Variants in SH2B1 observed in about 807,000 individuals in gnomAD.
The protein encoded by SH2B1 is SH2B adapter protein 1.
SH2B1 carries 15 observed loss-of-function variants against 62.6 expected under a neutral mutation model. The observed-to-expected ratio is 0.24, with a 90% CI of 0.16 to 0.37. The LOEUF (loss-of-function observed/expected upper bound fraction) is 0.37, where lower values mean the gene tolerates loss of function less well. Among genes scored for constraint, SH2B1 ranks in the 10% least tolerant of loss-of-function variants. The pLI is 1.00. For missense variants in SH2B1, 925 were observed against 1,015.6 expected, an observed-to-expected ratio of 0.91 and a Z score of 1.21; for synonymous variants, 443 against 438.0, an observed-to-expected ratio of 1.01 and a Z score of -0.14.
rs1567459417 is a variant in SH2B1, at chr16:28,852,928, T to TA, written c.-301+6101_-301+6102insA. Among the ~76,000 whole-genome samples the TA allele has an allele frequency of 1.2e-4, 7 of 60,846 alleles. 1 individual carries two copies. Among genetic ancestry groups the TA allele is most frequent in the South Asian group, 7.1e-4 (1 of 1,404 alleles). The allele number at this position is 60,846 out of a possible 152,430, so 39.9% of individuals were successfully genotyped here. A position where few individuals can be genotyped will look rare whatever the true frequency, so the allele number is the denominator to read the frequency against. ...TATATACATGTACATATATATATTTTTATATATATGTACATATATATTTTA... is the reference window on the plus strand; with the variant it reads ...TATATACATGTACATATATATATTTTATATATATATGTACATATATATTTTA... On this transcript the variant is annotated intron_variant, in intron 1 of 10. Transcript: ENST00000322610.
In SH2B1 at chr16:28,866,927, C is replaced by A; in HGVS notation, c.833C>A (p.Pro278His). 1 of 1,611,164 alleles carries A rather than the reference C, an allele frequency of 6.2e-7. No individual in the cohort carries two copies. Among genetic ancestry groups the A allele is most frequent in the East Asian group, 2.2e-5 (1 of 44,866 alleles). ...VGRGGGVAGP[P>H]SGGGGQPQWQ... is the part of the protein sequence containing the mutation. Reference sequence around the variant, plus strand: ...CGGGGAGGAGGGGTGGCTGGGCCTCCTTCAGGGGGAGGAGGGCAGCCTCAG... The same window carrying A: ...CGGGGAGGAGGGGTGGCTGGGCCTCATTCAGGGGGAGGAGGGCAGCCTCAG... Residue 278 changes from proline to histidine, a missense_variant, in exon 1 of 8, where the codon CCT becomes CAT. Physicochemically the swap from Pro to His is moderately conservative, Grantham distance 77. This residue lies in a region of SH2B1 where 683 missense variants were observed against 704.0 expected (regional missense o/e 0.97). Transcript: ENST00000684370. This position sits in a 1 kb window ranked among gnomAD's most constrained non-coding sequence, Gnocchi z 6.3.
At chr16:28,871,103 T>C (rs7498603) in intron 4 of SH2B1, among the ~76,000 whole-genome samples, 51,729 of 151,706 alleles carry the variant, frequency 0.34, 9,482 homozygotes, top group Admixed American at 0.41. Context: ...CTGCAACCTC[T>C]GCCTCCCGGG....
At chr16:28,861,425 G>A (rs183411474), upstream of SH2B1, among the ~76,000 whole-genome samples, 80 of 148,054 alleles carry the variant, frequency 5.4e-4, no homozygotes, top group Non-Finnish European at 1.0e-3. Context: ...CACTGCGCCC[G>A]GCCATCTTAG....
chr16:28,858,101 C>T (rs1962363479), intron 1 of SH2B1, among the ~76,000 whole-genome samples: 1 of 152,176 alleles, frequency 6.6e-6, no homozygotes, highest in Non-Finnish European at 1.5e-5. Flanking sequence ...CCCCTCCCCT[C>T]CCTGGGGGTT....
At chr16:28,852,543 T>C (rs1433423259) in intron 1 of SH2B1, among the ~76,000 whole-genome samples, 7 of 42,876 alleles carry the variant, frequency 1.6e-4, no homozygotes, top group African/African-American at 1.4e-3. Context: ...CATATATTTA[T>C]ATATATACAC....
intron 4 of SH2B1, 58 bp downstream of exon 4, chr16:28,869,441 C>T: frequency 6.7e-7 from 1 of 1,501,632 alleles, no homozygotes; most frequent in Non-Finnish European, 9.1e-7. Flanking sequence ...GGGGCCCCTG[C>T]TGTCAGGCGC....
chr16:28,849,456 T>G (rs889995351), intron 1 of SH2B1, among the ~76,000 whole-genome samples: 1 of 152,206 alleles, frequency 6.6e-6, no homozygotes, highest in African/African-American at 2.4e-5. Context: ...GAATTTATCC[T>G]AAGACACTAT....
chr16:28,868,894 G>C, intron 2 of SH2B1, 112 bp from the exon 3 acceptor site: 1 of 844,318 alleles, frequency 1.2e-6, no homozygotes. Context: ...CCTCCAGAGA[G>C]AATTCGAATG....
intron 1 of SH2B1, 139 bp from the exon 2 acceptor site, chr16:28,867,192 G>A (rs1239710827): frequency 1.1e-5 from 14 of 1,233,254 alleles, no homozygotes; most frequent in Non-Finnish European, 1.6e-5. Flanking sequence ...TAGCAGCTGC[G>A]GGCAGGACTG....
intron 1 of SH2B1, among the ~76,000 whole-genome samples, chr16:28,854,250 G>A (rs1027769720): frequency 8.6e-5 from 13 of 152,018 alleles, no homozygotes; most frequent in Admixed American, 2.6e-4. Flanking sequence ...GCAATGAGCC[G>A]TGATCACACC....
At position 28,852,553 on chromosome 16, in the gene SH2B1, CATATTTATATATATACACATAT is replaced by C. The variant is rs1567458792; in HGVS notation, c.-301+5830_-301+5851del. 6.3e-4 allele frequency among the ~76,000 whole-genome samples: 6 copies of C among 9,582 alleles called. 1 individual carries two copies. The highest frequency in any genetic ancestry group is 8.4e-4 in the Non-Finnish European group (6 of 7,160). The allele number at this position is 9,582 out of a possible 152,430, so 6.3% of individuals were successfully genotyped here. ...ATACACATATATTTATATATATACA[CATATTTATATATATACACATAT>C]ATATTTATATATATACACATATATA... is the stretch of plus-strand genomic sequence containing the variant. On this transcript the variant is annotated intron_variant, in intron 1 of 10. Transcript: ENST00000322610.
rs1471529731 is a variant in SH2B1, at chr16:28,872,836, G to C, written c.1897+131G>C. The C allele has an allele frequency of 8.1e-7, 1 of 1,239,296 alleles. No homozygotes were observed. Among genetic ancestry groups the C allele is most frequent in the Non-Finnish European group, 1.2e-6 (1 of 865,978 alleles). 76.8% of individuals were successfully genotyped at this position (1,239,296 alleles called of 1,614,324 possible). On this transcript the variant is annotated intron_variant, in intron 7 of 7. Transcript: ENST00000684370. This position sits in a 1 kb window ranked among gnomAD's most constrained non-coding sequence, Gnocchi z 5.3. ...CTTTGCTTGGGAGAGCAGGGTAGAG[G>C]AGGCTGTTGTGCCTCGGGGTTTGGA...
chr16:28,871,680 G>A (rs1055378094), intron 4 of SH2B1, 100 bp from the exon 5 acceptor site: 7 of 940,990 alleles, frequency 7.4e-6, no homozygotes, highest in Admixed American at 4.2e-5. Context: ...CTTGGCCAGC[G>A]ACTGCACACA....
intron 1 of SH2B1, among the ~76,000 whole-genome samples, chr16:28,848,766 G>A (rs564777211): frequency 6.7e-6 from 1 of 148,958 alleles, no homozygotes; most frequent in Non-Finnish European, 1.5e-5. Flanking sequence ...CCATCTCCCA[G>A]GTTCAAGCGA....
In SH2B1 at chr16:28,869,090, A is replaced by G. The variant is rs752619449; in HGVS notation, c.1126A>G (p.Ser376Gly). Residue 376 changes from serine to glycine, a missense_variant, in exon 3 of 8, where the codon AGC (serine) becomes GGC (glycine). Physicochemically the swap from Ser to Gly is moderately conservative, Grantham distance 56. Transcript: ENST00000684370. ...GGTGTCTGACATCCAAGAATGCCTG[A>G]GCCCAGGGTGAGAAGCCTGACTTCT... ...AWVSDIQECL[S>G]PGPCPATSPR... is the part of the protein sequence containing the mutation. 6.2e-7 allele frequency: 1 copy of G among 1,614,170 alleles called. No homozygotes were observed. Among genetic ancestry groups the G allele is most frequent in the Admixed American group, 1.7e-5 (1 of 60,018 alleles).
At chr16:28,863,744 G>A, upstream of SH2B1, 2 of 1,535,764 alleles carry the variant, frequency 1.3e-6, no homozygotes, top group South Asian at 1.2e-5. Flanking sequence ...CCGAGTGGGA[G>A]GATGGCGGAA....
Position 28,874,167 on chromosome 16 carries a change from T to C in SH2B1, c.*347T>C, listed in dbSNP as rs1161905866. On this transcript the variant is annotated 3_prime_UTR_variant, in exon 8 of 8. Coordinates refer to ENST00000684370, the MANE Select transcript of SH2B1 (RefSeq NM_001387430.1). Reference sequence around the variant, plus strand: ...GTTGTTGTTGTTGTTTTAAACAAAATGGAGAAGCATAAATAAATAAAAAGG... The same window carrying C: ...GTTGTTGTTGTTGTTTTAAACAAAACGGAGAAGCATAAATAAATAAAAAGG... 3 of 232,128 alleles carry C rather than the reference T, an allele frequency of 1.3e-5. No individual in the cohort carries two copies. The highest frequency in any genetic ancestry group is 4.5e-5 in the African/African-American group (2 of 44,514). 14.4% of individuals were successfully genotyped at this position (232,128 alleles called of 1,614,324 possible).
Position 28,852,354 on chromosome 16 carries a change from A to ACATATATATTTATATATATT in SH2B1, c.-301+5527_-301+5528insCATATATATTTATATATATT, listed in dbSNP as rs1567458325. Among the ~76,000 whole-genome samples, 2 of 74,012 alleles carry ACATATATATTTATATATATT rather than the reference A, an allele frequency of 2.7e-5. 1 individual carries two copies. The highest frequency in any genetic ancestry group is 4.5e-5 in the Non-Finnish European group (2 of 43,976). The allele number at this position is 74,012 out of a possible 152,430, so 48.6% of individuals were successfully genotyped here. A position where few individuals can be genotyped will look rare whatever the true frequency, so the allele number is the denominator to read the frequency against. ...TACATATATATTTACATATATATTT[A>ACATATATATTTATATATATT]TATATATATTTATATATATTTACAT... On this transcript the variant is annotated intron_variant, in intron 1 of 10. Coordinates refer to the SH2B1 transcript ENST00000322610.
chr16:28,852,874 A>T (rs1193466958), intron 1 of SH2B1, among the ~76,000 whole-genome samples: 1 of 76,614 alleles, frequency 1.3e-5, no homozygotes, highest in Non-Finnish European at 2.3e-5. Flanking sequence ...TTACATATAT[A>T]TTTTTATATA....
Sources: gnomAD v4.1 joint callset for allele counts (sites outside exome capture counted in the v4.1 genomes callset) on GRCh38, gnomAD v4.1.1 for gene constraint, gnomAD v4.1.1 regional missense constraint, Gnocchi (gnomAD v3.1) non-coding constraint, MANE v1.5 for transcripts, NCBI Gene and HGNC (gene_info 2026-07-23, HGNC 2026-07-21) for gene names.